CTNNB1: variants seen among roughly 807,000 people sequenced by gnomAD.
CTNNB1 encodes the protein catenin beta-1.
In CTNNB1, 6 loss-of-function variants were observed where a neutral mutation model predicts 82.5. That is an observed-to-expected ratio of 0.07 (90% confidence interval 0.04 to 0.14). CTNNB1 has a LOEUF of 0.14. Among genes scored for constraint, CTNNB1 ranks in the 10% least tolerant of loss-of-function variants. The probability of loss-of-function intolerance (pLI) is 1.00; values close to 1 mark genes in which losing one functional copy is unlikely to be tolerated. For missense variants in CTNNB1, 529 were observed against 980.4 expected, an observed-to-expected ratio of 0.54 and a Z score of 6.15; for synonymous variants, 312 against 329.7, an observed-to-expected ratio of 0.95 and a Z score of 0.58.
At chr3:41,214,229 A>C (rs2077863684) in intron 1 of CTNNB1, among the ~76,000 whole-genome samples, 1 of 152,124 alleles carries the variant, frequency 6.6e-6, no homozygotes, top group Non-Finnish European at 1.5e-5. Context: ...GTAAATTAAA[A>C]ATACAATGCC....
At chr3:41,209,644 T>G (rs943771064) in intron 1 of CTNNB1, among the ~76,000 whole-genome samples, 1 of 152,360 alleles carries the variant, frequency 6.6e-6, no homozygotes, top group South Asian at 2.1e-4. Flanking sequence ...TATAGCCTAC[T>G]ACACATCTAG....
chr3:41,222,046 CTCAG>C (rs1286908224), intron 1 of CTNNB1: 2 of 152,016 alleles, frequency 1.3e-5, no homozygotes, highest in African/African-American at 2.4e-5. Flanking sequence ...CAAGTTTTAT[CTCAG>C]TTTCTATGGA....
At chr3:41,213,706 C>A (rs1553628089) in intron 1 of CTNNB1, among the ~76,000 whole-genome samples, 1 of 151,830 alleles carries the variant, frequency 6.6e-6, no homozygotes, top group Non-Finnish European at 1.5e-5. Context: ...ATTGAGAAAA[C>A]AAAAAAATAT....
chr3:41,227,246 A>G lies in CTNNB1; in HGVS notation c.975A>G (p.Val325=). Residue 325 remains valine, a synonymous_variant, in exon 7 of 15, where the codon GTA becomes GTG. Coordinates refer to ENST00000349496, the MANE Select transcript of CTNNB1 (RefSeq NM_001904.4). ...ILASGGPQAL[V]NIMRTYTYEK... ...CTAGTGGTGGACCCCAAGCTTTAGT[A>G]AATATAATGAGGACCTATACTTACG... 1 of 1,612,772 alleles carries G rather than the reference A, an allele frequency of 6.2e-7. No homozygotes were observed. The highest frequency in any genetic ancestry group is 8.5e-7 in the Non-Finnish European group (1 of 1,178,806).
In CTNNB1 at chr3:41,224,683, G is replaced by T. The variant is rs769327358; in HGVS notation, c.171G>T (p.Val57=). Reference sequence around the variant, plus strand: ...AAGGCAATCCTGAGGAAGAGGATGTGGATACCTCCCAAGTCCTGTATGAGT... The same window carrying T: ...AAGGCAATCCTGAGGAAGAGGATGTTGATACCTCCCAAGTCCTGTATGAGT... ...SGKGNPEEED[V]DTSQVLYEWE... is the part of the protein sequence containing the mutation. The change falls in exon 3 of 15, where the codon GTG becomes GTT. Residue 57 remains valine (V), a synonymous_variant. Coordinates refer to ENST00000349496, the MANE Select transcript of CTNNB1 (RefSeq NM_001904.4). 2 of 1,613,794 alleles carry T rather than the reference G, an allele frequency of 1.2e-6. No homozygotes were observed. The highest frequency in any genetic ancestry group is 2.7e-5 in the African/African-American group (2 of 74,872).
At chr3:41,215,857 A>C (rs1446617468) in intron 1 of CTNNB1, among the ~76,000 whole-genome samples, 5 of 152,172 alleles carry the variant, frequency 3.3e-5, no homozygotes, top group African/African-American at 1.2e-4. Context: ...ATATAGTCAA[A>C]GTATGGTGTA....
chr3:41,199,748 C>G (rs866479185), intron 1 of CTNNB1, 78 bp downstream of exon 1: 6 of 150,442 alleles, frequency 4.0e-5, no homozygotes, highest in African/African-American at 1.5e-4. Context: ...AGCAGGCGCG[C>G]GGTCCGGGCG....
intron 6 of CTNNB1, among the ~76,000 whole-genome samples, chr3:41,226,090 A>G (rs528231072): frequency 3.9e-4 from 59 of 152,276 alleles, no homozygotes; most frequent in African/African-American, 1.4e-3. Context: ...TCGCATGTGC[A>G]GTCCACACTA....
chr3:41,235,528 T>G (rs1575332566), intron 10 of CTNNB1, 196 bp from the exon 11 acceptor site: 1 of 664,110 alleles, frequency 1.5e-6, no homozygotes, highest in Non-Finnish European at 2.7e-6. Context: ...GGGGGAGGGG[T>G]GCTGCTTTGA....
chr3:41,204,690 A>G (rs928932011), intron 1 of CTNNB1, among the ~76,000 whole-genome samples: 2 of 152,350 alleles, frequency 1.3e-5, no homozygotes, highest in African/African-American at 4.8e-5. Context: ...TTGATTTGCA[A>G]GTGTTGGTGA....
chr3:41,232,718 T>C (rs1353082114), intron 7 of CTNNB1, among the ~76,000 whole-genome samples: 1 of 152,058 alleles, frequency 6.6e-6, no homozygotes, highest in Non-Finnish European at 1.5e-5. Context: ...TCCCTGACAG[T>C]AAGTGTTTTC....
chr3:41,208,971 C>T (rs915740874), intron 1 of CTNNB1, among the ~76,000 whole-genome samples: 11 of 152,190 alleles, frequency 7.2e-5, no homozygotes, highest in East Asian at 5.8e-4. Context: ...TATGTACTCC[C>T]GTTTTCTTTT....
chr3:41,206,122 C>T (rs1338562116), intron 1 of CTNNB1, among the ~76,000 whole-genome samples: 2 of 152,080 alleles, frequency 1.3e-5, no homozygotes, highest in Non-Finnish European at 2.9e-5. Context: ...CACTAATATC[C>T]CCACGGTTTT....
chr3:41,215,928 A>G (rs1424420001), intron 1 of CTNNB1, among the ~76,000 whole-genome samples: 2 of 152,166 alleles, frequency 1.3e-5, no homozygotes, highest in Non-Finnish European at 2.9e-5. Context: ...ATAGTTCTTT[A>G]CTATTACATG....
intron 1 of CTNNB1, among the ~76,000 whole-genome samples, chr3:41,219,390 A>G (rs529763975): frequency 3.2e-4 from 49 of 152,318 alleles, no homozygotes; most frequent in African/African-American, 1.2e-3. Context: ...GTAAAATTAT[A>G]TTCTAAGACA....
In CTNNB1 at chr3:41,240,351, T is replaced by C. The variant is rs2078554980; in HGVS notation, c.*1009T>C. 1 of 188,590 alleles carries C rather than the reference T, an allele frequency of 5.3e-6. No homozygotes were observed. Among genetic ancestry groups the C allele is most frequent in the Non-Finnish European group, 1.1e-5 (1 of 89,292 alleles). 11.7% of individuals were successfully genotyped at this position (188,590 alleles called of 1,614,324 possible). ...TTTGGACAGTTTACCAGTTGCCTTT[T>C]ATCCCAAAGTTGTTGTAACCTGCTG... On this transcript the variant is annotated 3_prime_UTR_variant, in exon 15 of 15. Coordinates refer to ENST00000349496, the MANE Select transcript of CTNNB1 (RefSeq NM_001904.4).
At chr3:41,233,889 T>C (rs2125641093) in intron 9 of CTNNB1, 22 bp downstream of exon 9, 1 of 1,611,034 alleles carries the variant, frequency 6.2e-7, no homozygotes, top group Non-Finnish European at 8.5e-7. Flanking sequence ...AAGTAGAATT[T>C]ACCTTTGTTG....
intron 9 of CTNNB1, 119 bp downstream of exon 9, chr3:41,233,986 AG>A: frequency 7.0e-7 from 1 of 1,426,300 alleles, no homozygotes; most frequent in Non-Finnish European, 9.9e-7. Context: ...CTTAGTAAGT[AG>A]GAAGTATGGC....
chr3:41,228,624 C>T (rs773067796), intron 7 of CTNNB1, among the ~76,000 whole-genome samples: 3 of 152,258 alleles, frequency 2.0e-5, no homozygotes, highest in Admixed American at 6.5e-5. Context: ...AGACCTTTGT[C>T]AGATGCATAG....
Sources: allele counts gnomAD v4.1 joint callset (sites outside exome capture counted in the v4.1 genomes callset), GRCh38; gene constraint gnomAD v4.1.1; transcripts MANE v1.5; gene names NCBI Gene and HGNC (gene_info 2026-07-23, HGNC 2026-07-21).